The following PSMD1 variants were observed in gnomAD, a reference collection of about 807,000 sequenced individuals.
The protein encoded by PSMD1 is 26S proteasome non-ATPase regulatory subunit 1.
In PSMD1, 18 loss-of-function variants were observed where a neutral mutation model predicts 119.0. The observed-to-expected ratio is 0.15, with a 90% confidence interval of 0.10 to 0.22. The LOEUF (loss-of-function observed/expected upper bound fraction) is 0.22. Ranked by LOEUF, PSMD1 falls within the 10% of genes least tolerant of loss-of-function variation. The pLI, the probability that PSMD1 is intolerant of heterozygous loss-of-function variation, is 1.00. For missense variants in PSMD1, 702 were observed against 1,158.5 expected, an observed-to-expected ratio of 0.61 and a Z score of 5.72; for synonymous variants, 374 against 396.6, an observed-to-expected ratio of 0.94 and a Z score of 0.68.
At chr2:231,153,367 T>G (rs2125259725) in intron 18 of PSMD1, 197 bp from the exon 19 acceptor site, 1 of 537,928 alleles carries the variant, frequency 1.9e-6, no homozygotes, top group Admixed American at 3.8e-5. Context: ...GAGCTGGTGC[T>G]CCCACACTAA....
intron 1 of PSMD1, among the ~76,000 whole-genome samples, chr2:231,057,939 A>G (rs1693650827): frequency 6.6e-6 from 1 of 152,236 alleles, no homozygotes; most frequent in Non-Finnish European, 1.5e-5. Context: ...CCACAAAGAA[A>G]GCATTTTATT....
At chr2:231,092,636 G>A (rs1484496401) in intron 16 of PSMD1, among the ~76,000 whole-genome samples, 1 of 152,188 alleles carries the variant, frequency 6.6e-6, no homozygotes, top group Non-Finnish European at 1.5e-5. Flanking sequence ...TGCCACGATG[G>A]ATGAGGACAT....
At chr2:231,159,705 C>T (rs1446012344) in intron 19 of PSMD1, among the ~76,000 whole-genome samples, 1 of 152,194 alleles carries the variant, frequency 6.6e-6, no homozygotes, top group Admixed American at 6.5e-5. Context: ...CTCTAGTTCA[C>T]TGGCTTTCAA....
At chr2:231,156,227 T>A (rs1056783067) in intron 19 of PSMD1, among the ~76,000 whole-genome samples, 14 of 152,114 alleles carry the variant, frequency 9.2e-5, no homozygotes, top group Non-Finnish European at 1.9e-4. Flanking sequence ...ACAGAAAAAA[T>A]TGAGGAAGAA....
rs748353083 is a variant in PSMD1 at position 231,078,791 on chromosome 2, CTTTTTTTTTTT to C, written c.1160+58_1160+68del. 5.2e-3 allele frequency: 1,800 copies of C among 342,870 alleles called. 6 individuals carry two copies. Among genetic ancestry groups the C allele is most frequent in the Non-Finnish European group, 7.2e-3 (1,692 of 236,584 alleles). 21.2% of individuals were successfully genotyped at this position (342,870 alleles called of 1,614,324 possible). ...TTTCACTTTGGTTCAAAATCTTTTTCTTTTTTTTTTTTTTTTTTTTTTTTGTGCAGTCTTAC... is the reference window on the plus strand; with the variant it reads ...TTTCACTTTGGTTCAAAATCTTTTTCTTTTTTTTTTTTTGTGCAGTCTTAC... On this transcript the variant is annotated intron_variant, in intron 10 of 24. Transcript: ENST00000308696.
At chr2:231,079,065 G>T (rs1193135207) in intron 10 of PSMD1, among the ~76,000 whole-genome samples, 2 of 152,068 alleles carry the variant, frequency 1.3e-5, no homozygotes, top group African/African-American at 4.8e-5. Context: ...AAAGTGCCAG[G>T]ATTACAGACG....
At position 231,079,948 on chromosome 2, in the gene PSMD1, C is replaced by T. The variant is rs1694265401; in HGVS notation, c.1240-193C>T. On this transcript the variant is annotated intron_variant, in intron 11 of 24. Coordinates refer to ENST00000308696, the MANE Select transcript of PSMD1 (RefSeq NM_002807.4). Reference sequence around the variant, plus strand: ...ATTTGTGATTTTTTTTTTTTCTAACCAGAGTGTAACTGGGTCTCTTTAAAG... The same window carrying T: ...ATTTGTGATTTTTTTTTTTTCTAACTAGAGTGTAACTGGGTCTCTTTAAAG... Among the ~76,000 whole-genome samples the T allele has an allele frequency of 2.6e-5, 4 of 151,556 alleles. No individual in the cohort carries two copies. In the South Asian group the frequency reaches 8.3e-4, roughly 32 times the overall value.
At chr2:231,082,478 T>G (rs1694333073) in intron 12 of PSMD1, among the ~76,000 whole-genome samples, 1 of 152,076 alleles carries the variant, frequency 6.6e-6, no homozygotes, top group African/African-American at 2.4e-5. Context: ...CCAAGGTGGG[T>G]GGATCACCTG....
In PSMD1 at chr2:231,063,561, T is replaced by A. The variant is rs534268214; in HGVS notation, c.304+886T>A. On this transcript the variant is annotated intron_variant, in intron 4 of 24. Transcript: ENST00000308696. Reference sequence around the variant, plus strand: ...TTCTCTTTTAGAAATTGGGAAGTCCTGCACAAGGGGGTTGATAGAGGTACC... The same window carrying A: ...TTCTCTTTTAGAAATTGGGAAGTCCAGCACAAGGGGGTTGATAGAGGTACC... 8.5e-5 allele frequency among the ~76,000 whole-genome samples: 13 copies of A among 152,330 alleles called. No individual in the cohort carries two copies. In the South Asian group the frequency reaches 2.7e-3, roughly 32 times the overall value.
intron 2 of PSMD1, 45 bp from the exon 3 acceptor site, chr2:231,062,203 A>C: frequency 7.6e-7 from 1 of 1,311,818 alleles, no homozygotes; most frequent in Non-Finnish European, 1.1e-6. Context: ...AAGGAAGTGT[A>C]ATGATAAGTC....
intron 20 of PSMD1, 26 bp from the exon 21 acceptor site, chr2:231,163,609 A>G (rs1244063819): frequency 1.9e-6 from 3 of 1,564,200 alleles, no homozygotes; most frequent in African/African-American, 1.4e-5. Context: ...CTTAAAGCCA[A>G]TGTTATTTTA....
At chr2:231,069,333 ATT>A (rs1030815789) in intron 5 of PSMD1, among the ~76,000 whole-genome samples, 20 of 152,048 alleles carry the variant, frequency 1.3e-4, no homozygotes, top group African/African-American at 4.8e-4. Flanking sequence ...TGTATTTTTT[ATT>A]TTTTTAATTT....
intron 17 of PSMD1, among the ~76,000 whole-genome samples, chr2:231,144,015 A>G (rs947918743): frequency 6.6e-6 from 1 of 152,188 alleles, no homozygotes; most frequent in Non-Finnish European, 1.5e-5. Flanking sequence ...GTCTTGATTT[A>G]ACTTTTAAAA....
In PSMD1 at chr2:231,170,736, A is replaced by G. The variant is rs1223810187; in HGVS notation, c.*9+15A>G. The G allele has an allele frequency of 2.6e-6, 4 of 1,562,830 alleles. No individual in the cohort carries two copies. Among genetic ancestry groups the G allele is most frequent in the Admixed American group, 2.0e-5 (1 of 50,910 alleles). ...AAGGGCCAGAGGTGCGTGTGCAACA[A>G]AATTATGAAGGGAAACTTCTTTGTC... On this transcript the variant is annotated intron_variant, in intron 24 of 24. Transcript: ENST00000308696. The surrounding 1 kb of genome is among the most constrained non-coding windows in gnomAD (Gnocchi z 4.1).
At chr2:231,073,886 T>C (rs1041008711) in intron 7 of PSMD1, among the ~76,000 whole-genome samples, 1 of 152,050 alleles carries the variant, frequency 6.6e-6, no homozygotes, top group African/African-American at 2.4e-5. Flanking sequence ...TTATAAATGA[T>C]TTTTTTAAGT....
intron 17 of PSMD1, among the ~76,000 whole-genome samples, chr2:231,141,645 A>G (rs1332491823): frequency 1.3e-5 from 2 of 150,342 alleles, no homozygotes; most frequent in African/African-American, 2.5e-5. Context: ...ATTTTTCTTC[A>G]CAGCACTTAC....
chr2:231,138,732 T>A lies in PSMD1; in HGVS notation c.1884-4T>A. 2 of 1,609,126 alleles carry A rather than the reference T, an allele frequency of 1.2e-6. No individual in the cohort carries two copies. The highest frequency in any genetic ancestry group is 2.2e-5 in the South Asian group (2 of 90,966). On this transcript the variant is annotated splice_polypyrimidine_tract_variant and splice_region_variant and intron_variant, in intron 16 of 24. Transcript: ENST00000308696. ...CAGTGGCTTCGCTTTCTGTTTCTTA[T>A]CAGAACCCCTGAACAGTGCCCAAGT... is the stretch of plus-strand genomic sequence containing the variant.
intron 16 of PSMD1, chr2:231,109,464 G>GTAAT: frequency 2.1e-6 from 3 of 1,423,614 alleles, no homozygotes; most frequent in Non-Finnish European, 3.0e-6. Flanking sequence ...GTAACTCTTC[G>GTAAT]ATTAGATCCT....
At position 231,153,672 on chromosome 2, in the gene PSMD1, T is replaced by C; in HGVS notation, c.2218+6T>C. 6.4e-7 allele frequency: 1 copy of C among 1,558,212 alleles called. No homozygotes were observed. The highest frequency in any genetic ancestry group is 8.8e-7 in the Non-Finnish European group (1 of 1,135,802). ...CCAGGGCATACTGGATGCAGGTAAA[T>C]GTTTTTAAGTCTTCAAGATTTATTT... is the stretch of plus-strand genomic sequence containing the variant. On this transcript the variant is annotated splice_donor_region_variant and intron_variant, in intron 19 of 24. Transcript: ENST00000308696.
Sources: gnomAD v4.1 joint callset for allele counts (sites outside exome capture counted in the v4.1 genomes callset) on GRCh38, gnomAD v4.1.1 for gene constraint, Gnocchi (gnomAD v3.1) non-coding constraint, MANE v1.5 for transcripts, NCBI Gene and HGNC (gene_info 2026-07-23, HGNC 2026-07-21) for gene names.